Variants in EDA2R observed in about 807,000 individuals in gnomAD.
EDA2R encodes tumor necrosis factor receptor superfamily member 27.
EDA2R carries 26 observed loss-of-function variants against 20.1 expected under a neutral mutation model. That is an observed-to-expected ratio of 1.30 (90% CI 0.95 to 1.80). The LOEUF is 1.80. EDA2R is among the 40% of genes most tolerant of loss of function. EDA2R has a pLI of 0.00. For missense variants in EDA2R, 277 were observed against 228.7 expected, an observed-to-expected ratio of 1.21 and a Z score of -1.36; for synonymous variants, 114 against 88.7, an observed-to-expected ratio of 1.29 and a Z score of -1.60.
chrX:66,615,156 G>C (rs751788874), intron 2 of EDA2R, among the ~76,000 whole-genome samples: 9 of 111,876 alleles, frequency 8.0e-5, no homozygotes, highest in African/African-American at 2.9e-4. Context: ...AGAAGGTAAG[G>C]TCCATGAAGG....
Position 66,602,923 on chromosome X carries a change from G to A in EDA2R, c.353-126C>T, listed in dbSNP as rs746926293. The A allele has an allele frequency of 2.4e-5, 15 of 618,793 alleles. No individual in the cohort carries two copies. The South Asian group carries it at 6.2e-4, about 25-fold the overall frequency. The allele number at this position is 618,793 out of a possible 1,213,427, so 51.0% of individuals were successfully genotyped here. A position where few individuals can be genotyped will look rare whatever the true frequency, so the allele number is the denominator to read the frequency against. ...GGCCTTCCCCAATTAGGGTGGCTAT[G>A]CTGGTTTTACTTCTTTCTAGAGCAG... On this transcript the variant is annotated intron_variant, in intron 4 of 6. Transcript: ENST00000374719.
At chrX:66,598,126 T>TG (rs1206315740) in intron 6 of EDA2R, 33 bp from the exon 7 acceptor site, 1 of 726,176 alleles carries the variant, frequency 1.4e-6, no homozygotes, top group Non-Finnish European at 1.8e-6. Context: ...TAGAAACATG[T>TG]GGGGAAATCT....
In EDA2R at chrX:66,605,070, C is replaced by T. The variant is rs997184764; in HGVS notation, c.244G>A (p.Val82Ile). Residue 82 changes from valine to isoleucine, a missense_variant, in exon 3 of 7, where the codon GTC becomes ATC. Transcript: ENST00000374719. ...KVNCTATSNAVCGDCLPRFYR... is the reference protein window; with the variant it reads ...KVNCTATSNAICGDCLPRFYR... Reference sequence around the variant, plus strand: ...CACCTGGGCAAACAGTCCCCACAGACAGCATTAGAGGTAGCTGTGCAGTTG... The same window carrying T: ...CACCTGGGCAAACAGTCCCCACAGATAGCATTAGAGGTAGCTGTGCAGTTG... The T allele has an allele frequency of 1.7e-6, 2 of 1,206,799 alleles. No individual in the cohort carries two copies. Among genetic ancestry groups the T allele is most frequent in the Non-Finnish European group, 2.2e-6 (2 of 893,083 alleles).
chrX:66,616,114 C>T (rs1173785506), intron 1 of EDA2R, 84 bp from the exon 2 acceptor site: 5 of 607,643 alleles, frequency 8.2e-6, no homozygotes, highest in Non-Finnish European at 1.4e-5. Context: ...CTTCTGGGTC[C>T]CCTTAATCTA....
At chrX:66,631,018 TACATATACAC>T (rs1933740581) in intron 1 of EDA2R, among the ~76,000 whole-genome samples, 1 of 109,837 alleles carries the variant, frequency 9.1e-6, no homozygotes, top group African/African-American at 3.3e-5. Flanking sequence ...TGTGTATATA[TACATATACAC>T]ACACATGTGT....
rs1287739497 is a variant in EDA2R, at chrX:66,597,604, T to A, written c.*500A>T. The stretch of plus-strand genomic sequence containing the variant: ...GGCACGAGGCCTCCCCCAAGATAGA[T>A]ATTAATGTGTGTGTGTGTGTTTGTG... On this transcript the variant is annotated 3_prime_UTR_variant, in exon 7 of 7. Coordinates refer to ENST00000374719, the MANE Select transcript of EDA2R (RefSeq NM_021783.5). 1 of 111,428 alleles carries A rather than the reference T, an allele frequency of 9.0e-6. No homozygotes were observed. Among genetic ancestry groups the A allele is most frequent in the African/African-American group, 3.3e-5 (1 of 30,472 alleles). The allele number at this position is 111,428 out of a possible 1,213,427, so 9.2% of individuals were successfully genotyped here. A position where few individuals can be genotyped will look rare whatever the true frequency, so the allele number is the denominator to read the frequency against.
intron 5 of EDA2R, chrX:66,600,077 G>C: frequency 8.6e-7 from 1 of 1,159,564 alleles, no homozygotes; most frequent in Non-Finnish European, 1.2e-6. Context: ...TACTGGATCA[G>C]AGAAAATAAT....
At chrX:66,598,339 G>A (rs1314563481) in intron 6 of EDA2R, among the ~76,000 whole-genome samples, 1 of 112,013 alleles carries the variant, frequency 8.9e-6, no homozygotes, top group Non-Finnish European at 1.9e-5. Flanking sequence ...TCTCCAGAGA[G>A]GTGGTGTTGT....
chrX:66,606,133 A>G (rs1373801765), intron 2 of EDA2R, among the ~76,000 whole-genome samples: 1 of 112,123 alleles, frequency 8.9e-6, no homozygotes, highest in Non-Finnish European at 1.9e-5. Flanking sequence ...AACAGGAACA[A>G]GGCTCCTGCC....
In EDA2R at chrX:66,631,809, C is replaced by T. The variant is rs1933842859; in HGVS notation, c.-11+7186G>A. ...AGAAGAATCTAAGTGCCATGAGAAGCGTGAAAGGAGCGCAGCTTGGTAAAA... is the reference window on the plus strand; with the variant it reads ...AGAAGAATCTAAGTGCCATGAGAAGTGTGAAAGGAGCGCAGCTTGGTAAAA... On this transcript the variant is annotated intron_variant, in intron 1 of 6. Coordinates refer to ENST00000374719, the MANE Select transcript of EDA2R (RefSeq NM_021783.5). Among the ~76,000 whole-genome samples the T allele has an allele frequency of 3.6e-5, 4 of 111,290 alleles. No homozygotes were observed. The Admixed American group carries it at 3.8e-4, about 11-fold the overall frequency.
At chrX:66,635,037 G>A (rs958149775) in intron 1 of EDA2R, among the ~76,000 whole-genome samples, 2 of 111,750 alleles carry the variant, frequency 1.8e-5, no homozygotes, top group Non-Finnish European at 3.8e-5. Context: ...CTTTATTTTT[G>A]AGAATAGCAT....
At chrX:66,624,905 G>A (rs1932917477) in intron 1 of EDA2R, among the ~76,000 whole-genome samples, 1 of 111,870 alleles carries the variant, frequency 8.9e-6, no homozygotes, top group Non-Finnish European at 1.9e-5. Context: ...TAACACACTG[G>A]GGAAACACAC....
intron 2 of EDA2R, among the ~76,000 whole-genome samples, chrX:66,606,609 C>A (rs1312612046): frequency 2.7e-5 from 3 of 112,125 alleles, no homozygotes; most frequent in East Asian, 5.6e-4. Context: ...CAAAGGCTTA[C>A]ATCAACCATG....
At chrX:66,630,344 AC>A (rs990114848) in intron 1 of EDA2R, among the ~76,000 whole-genome samples, 3 of 111,734 alleles carry the variant, frequency 2.7e-5, no homozygotes, top group Admixed American at 9.5e-5. Flanking sequence ...AATAGCCGGG[AC>A]CTAATTAAAC....
chrX:66,609,589 T>A (rs1158685807), intron 2 of EDA2R, among the ~76,000 whole-genome samples: 1 of 112,001 alleles, frequency 8.9e-6, no homozygotes, highest in Non-Finnish European at 1.9e-5. Context: ...GGAAATATAA[T>A]GTAGTGATGA....
chrX:66,634,228 T>C (rs964868297), intron 1 of EDA2R, among the ~76,000 whole-genome samples: 3 of 112,342 alleles, frequency 2.7e-5, no homozygotes, highest in African/African-American at 9.7e-5. Context: ...ATTTTTTCTT[T>C]AGATGTCCAA....
At chrX:66,598,406 C>T (rs1038538366) in intron 6 of EDA2R, among the ~76,000 whole-genome samples, 2 of 111,653 alleles carry the variant, frequency 1.8e-5, no homozygotes, top group African/African-American at 6.5e-5. Flanking sequence ...GTCTGTCTGG[C>T]ACGAGGAACA....
intron 1 of EDA2R, among the ~76,000 whole-genome samples, chrX:66,628,509 T>C (rs977414713): frequency 9.0e-6 from 1 of 110,827 alleles, no homozygotes; most frequent in Non-Finnish European, 1.9e-5. Context: ...TGGGAGACAT[T>C]AGGACTGACA....
intron 1 of EDA2R, among the ~76,000 whole-genome samples, chrX:66,630,268 G>A (rs1039079678): frequency 9.0e-6 from 1 of 111,635 alleles, no homozygotes; most frequent in South Asian, 3.8e-4. Context: ...AACCCTTCGA[G>A]ACATTGGCTT....
Sources: allele counts gnomAD v4.1 joint callset (sites outside exome capture counted in the v4.1 genomes callset), GRCh38; gene constraint gnomAD v4.1.1; transcripts MANE v1.5; gene names NCBI Gene and HGNC (gene_info 2026-07-23, HGNC 2026-07-21).